Variants in BMPR2 observed in about 807,000 individuals in gnomAD.
BMPR2 encodes the protein bone morphogenetic protein receptor type 2.
Under a neutral mutation model 100.8 loss-of-function variants are expected in BMPR2, and 29 were observed. The observed-to-expected ratio is 0.29, with a 90% CI of 0.21 to 0.39. BMPR2 has a LOEUF of 0.39. Ranked by LOEUF, BMPR2 falls within the 10% of genes least tolerant of loss-of-function variation. The pLI is 1.00. For synonymous variants in BMPR2, 382 were observed against 442.3 expected (o/e 0.86, Z 1.71); for missense variants, 1,011 against 1,274.5 (o/e 0.79, Z 3.15).
At chr2:202,445,092 C>T (rs1225431918) in intron 1 of BMPR2, among the ~76,000 whole-genome samples, 1 of 150,294 alleles carries the variant, frequency 6.7e-6, no homozygotes, top group Non-Finnish European at 1.5e-5. Flanking sequence ...CTGGCCTAGA[C>T]ATTTTTTAAA....
intron 9 of BMPR2, among the ~76,000 whole-genome samples, chr2:202,538,651 G>A (rs573347904): frequency 2.0e-5 from 3 of 151,738 alleles, no homozygotes; most frequent in African/African-American, 7.3e-5. Flanking sequence ...AAAATTAGCC[G>A]GGCTTGGTTG....
intron 1 of BMPR2, among the ~76,000 whole-genome samples, chr2:202,443,974 AGTGG>A (rs1691799581): frequency 6.6e-6 from 1 of 150,628 alleles, no homozygotes; most frequent in Non-Finnish European, 1.5e-5. Flanking sequence ...CTAATAACAT[AGTGG>A]TACAAATGTT....
At chr2:202,516,848 C>T (rs1317364243) in intron 5 of BMPR2, among the ~76,000 whole-genome samples, 3 of 152,092 alleles carry the variant, frequency 2.0e-5, no homozygotes, top group Non-Finnish European at 4.4e-5. Context: ...TTTTAAAGGA[C>T]ACTTTGTATA....
At position 202,559,742 on chromosome 2, in the gene BMPR2, C is replaced by T. The variant is rs1688648151; in HGVS notation, c.2913C>T (p.Ile971=). ...GCAAATCAGGATCAGGTGAAAAGATCAAGAAACGTGTGAAAACTCCCTATT... is the reference window on the plus strand; with the variant it reads ...GCAAATCAGGATCAGGTGAAAAGATTAAGAAACGTGTGAAAACTCCCTATT... ...QDGKSGSGEK[I]KKRVKTPYSL... is the part of the protein sequence containing the mutation. The change falls in exon 13 of 13, where the codon ATC becomes ATT. Residue 971 remains isoleucine (I), a synonymous_variant. Coordinates refer to ENST00000374580, the MANE Select transcript of BMPR2 (RefSeq NM_001204.7). 2 of 1,614,098 alleles carry T rather than the reference C, an allele frequency of 1.2e-6. No homozygotes were observed. The highest frequency in any genetic ancestry group is 1.7e-5 in the Admixed American group (1 of 60,008).
intron 1 of BMPR2, among the ~76,000 whole-genome samples, chr2:202,426,283 A>G (rs1279407949): frequency 2.0e-5 from 3 of 152,180 alleles, no homozygotes; most frequent in Admixed American, 2.0e-4. Flanking sequence ...TTGTTATTGC[A>G]TATAATTTAG....
chr2:202,530,144 T>C (rs993435464), intron 7 of BMPR2, among the ~76,000 whole-genome samples: 1 of 152,180 alleles, frequency 6.6e-6, no homozygotes, highest in Non-Finnish European at 1.5e-5. Flanking sequence ...TGTAGTCCTA[T>C]GATAAGGATA....
At chr2:202,471,526 T>A (rs1009168471) in intron 3 of BMPR2, among the ~76,000 whole-genome samples, 1 of 152,174 alleles carries the variant, frequency 6.6e-6, no homozygotes, top group Non-Finnish European at 1.5e-5. Flanking sequence ...ATAACTAATA[T>A]AGTACTATAT....
At chr2:202,444,644 T>A (rs2105942202) in intron 1 of BMPR2, among the ~76,000 whole-genome samples, 1 of 150,944 alleles carries the variant, frequency 6.6e-6, no homozygotes, top group Non-Finnish European at 1.5e-5. Flanking sequence ...ACTAAAATGT[T>A]CTATGTAATA....
At chr2:202,535,205 G>T (rs1163189422) in intron 9 of BMPR2, among the ~76,000 whole-genome samples, 1 of 149,238 alleles carries the variant, frequency 6.7e-6, no homozygotes, top group South Asian at 2.1e-4. Flanking sequence ...CCTCCCTCCC[G>T]GACGGGGTGG....
Position 202,387,290 on chromosome 2 carries a change from T to C in BMPR2, c.76+9740T>C, listed in dbSNP as rs1690448533. On this transcript the variant is annotated intron_variant, in intron 1 of 12. Coordinates refer to ENST00000374580, the MANE Select transcript of BMPR2 (RefSeq NM_001204.7). The stretch of plus-strand genomic sequence containing the variant: ...GGGGAAGTGAAGAGACACATGAGCA[T>C]TTCTCATCTTTAGTATAGTTACTAA... Among the ~76,000 whole-genome samples the C allele has an allele frequency of 2.0e-5, 3 of 152,340 alleles. No homozygotes were observed. The South Asian group carries it at 6.2e-4, about 32-fold the overall frequency.
At chr2:202,406,351 G>A (rs779965277) in intron 1 of BMPR2, among the ~76,000 whole-genome samples, 25 of 152,186 alleles carry the variant, frequency 1.6e-4, no homozygotes, top group Non-Finnish European at 3.4e-4. Flanking sequence ...GTACTCTATG[G>A]CAGAGAAGAT....
At chr2:202,402,841 T>C (rs1474506820) in intron 1 of BMPR2, among the ~76,000 whole-genome samples, 1 of 151,716 alleles carries the variant, frequency 6.6e-6, no homozygotes, top group Non-Finnish European at 1.5e-5. Context: ...TTTTTTTTTT[T>C]TTTTGAGATG....
chr2:202,550,532 T>G (rs1688458408), intron 10 of BMPR2, among the ~76,000 whole-genome samples: 1 of 152,042 alleles, frequency 6.6e-6, no homozygotes. Context: ...TTTATAATTA[T>G]CATTTTATGC....
intron 3 of BMPR2, 97 bp from the exon 4 acceptor site, chr2:202,513,622 T>G: frequency 1.3e-6 from 1 of 782,054 alleles, no homozygotes; most frequent in South Asian, 1.6e-5. Context: ...CTAATTTGAT[T>G]ATACATGGGT....
intron 3 of BMPR2, among the ~76,000 whole-genome samples, chr2:202,482,766 C>T (rs905846840): frequency 6.6e-6 from 1 of 152,086 alleles, no homozygotes; most frequent in African/African-American, 2.4e-5. Context: ...GTTGCAAACT[C>T]CTGACCTTGT....
intron 3 of BMPR2, among the ~76,000 whole-genome samples, chr2:202,485,700 C>A (rs1692764812): frequency 6.6e-6 from 1 of 151,710 alleles, no homozygotes; most frequent in South Asian, 2.1e-4. Context: ...TTGCACACGA[C>A]CATGCCTGCT....
intron 5 of BMPR2, among the ~76,000 whole-genome samples, chr2:202,517,794 C>T (rs1687741294): frequency 6.6e-6 from 1 of 151,484 alleles, no homozygotes; most frequent in Non-Finnish European, 1.5e-5. Flanking sequence ...AAGGCCAGAA[C>T]AATTTTCTGT....
chr2:202,389,399 C>T (rs984892101), intron 1 of BMPR2, among the ~76,000 whole-genome samples: 4 of 145,974 alleles, frequency 2.7e-5, no homozygotes, highest in Middle Eastern at 3.8e-3. Flanking sequence ...TGGTGGCATG[C>T]GCTTGTAGTC....
At chr2:202,454,295 T>G (rs183424664) in intron 1 of BMPR2, among the ~76,000 whole-genome samples, 22 of 152,230 alleles carry the variant, frequency 1.4e-4, no homozygotes, top group African/African-American at 5.3e-4. Flanking sequence ...GGTCTCAAAC[T>G]CTTGAGCTCA....
Sources: gnomAD v4.1 joint callset for allele counts (sites outside exome capture counted in the v4.1 genomes callset) on GRCh38, gnomAD v4.1.1 for gene constraint, MANE v1.5 for transcripts, NCBI Gene and HGNC (gene_info 2026-07-23, HGNC 2026-07-21) for gene names.